OR1J2: variants seen among roughly 807,000 people sequenced by gnomAD.
OR1J2 encodes the protein olfactory receptor 1J2.
For missense variants in OR1J2, 304 were observed against 246.1 expected, an observed-to-expected ratio of 1.24 and a Z score of -1.57; for synonymous variants, 142 against 99.7, an observed-to-expected ratio of 1.42 and a Z score of -2.52.
chr9:122,469,564 T>C, the OR1J2 span, among the ~76,000 whole-genome samples: 1 of 152,172 alleles, frequency 6.6e-6, no homozygotes, highest in Admixed American at 6.5e-5. Context: ...GTACTGGAAG[T>C]GGGGCACTGC....
At chr9:122,520,143 C>A in the OR1J2 span, 1 of 1,243,874 alleles carries the variant, frequency 8.0e-7, no homozygotes, top group Non-Finnish European at 1.1e-6. Flanking sequence ...TAGATCCTTA[C>A]TTCTGATCCC....
the OR1J2 span, among the ~76,000 whole-genome samples, chr9:122,537,867 G>A: frequency 1.4e-4 from 21 of 152,188 alleles, no homozygotes; most frequent in African/African-American, 5.1e-4. Flanking sequence ...CCTGGAAAGG[G>A]TTGCCATTTT....
chr9:122,456,514 A>G, the OR1J2 span, among the ~76,000 whole-genome samples: 2 of 152,230 alleles, frequency 1.3e-5, no homozygotes, highest in South Asian at 2.1e-4. Flanking sequence ...CCAGGAAGCT[A>G]GGAGAATCAT....
At chr9:122,530,072 A>T in the OR1J2 span, among the ~76,000 whole-genome samples, 1 of 152,230 alleles carries the variant, frequency 6.6e-6, no homozygotes, top group African/African-American at 2.4e-5. Flanking sequence ...AACCAAGATT[A>T]AAAATATATT....
chr9:122,464,451 A>G, the OR1J2 span, among the ~76,000 whole-genome samples: 1 of 152,224 alleles, frequency 6.6e-6, no homozygotes, highest in Admixed American at 6.5e-5. Flanking sequence ...TGCAGCAGCA[A>G]TCCACCTCCC....
the OR1J2 span, among the ~76,000 whole-genome samples, chr9:122,468,740 C>T: frequency 2.6e-5 from 4 of 152,232 alleles, no homozygotes; most frequent in Non-Finnish European, 4.4e-5. Context: ...TCCTCCCTGA[C>T]TGTGTTTTTT....
the OR1J2 span, among the ~76,000 whole-genome samples, chr9:122,482,272 C>G: frequency 5.9e-5 from 9 of 152,022 alleles, no homozygotes; most frequent in African/African-American, 2.2e-4. Flanking sequence ...TGGAAAACCA[C>G]TTATATAACT....
At chr9:122,488,419 G>A in the OR1J2 span, among the ~76,000 whole-genome samples, 2 of 152,198 alleles carry the variant, frequency 1.3e-5, no homozygotes, top group South Asian at 2.1e-4. Flanking sequence ...GATTATAGGC[G>A]TGAGCCACCG....
the OR1J2 span, among the ~76,000 whole-genome samples, chr9:122,472,170 T>G: frequency 6.6e-6 from 1 of 152,144 alleles, no homozygotes; most frequent in Non-Finnish European, 1.5e-5. Context: ...TACAAATGTG[T>G]GTTAGTCTTG....
At chr9:122,543,840 A>G in the OR1J2 span, among the ~76,000 whole-genome samples, 1 of 152,228 alleles carries the variant, frequency 6.6e-6, no homozygotes, top group Non-Finnish European at 1.5e-5. Flanking sequence ...TGGAGTAGAG[A>G]TGAGGTATCC....
chr9:122,569,107 C>A, the OR1J2 span, among the ~76,000 whole-genome samples: 88,373 of 151,956 alleles, frequency 0.58, 26,213 homozygotes, highest in East Asian at 0.97. Context: ...TCTAAGACGA[C>A]TGTTGAACGC....
chr9:122,484,736 G>T, the OR1J2 span, among the ~76,000 whole-genome samples: 1 of 152,224 alleles, frequency 6.6e-6, no homozygotes, highest in Admixed American at 6.5e-5. Flanking sequence ...AGTAGGACAA[G>T]AAGACAGAGT....
At chr9:122,553,183 A>T in the OR1J2 span, 1 of 1,606,186 alleles carries the variant, frequency 6.2e-7, no homozygotes, top group Non-Finnish European at 8.5e-7. Context: ...GAAGGTTTTT[A>T]TCTGCGCAGA....
At chr9:122,533,081 G>A in the OR1J2 span, among the ~76,000 whole-genome samples, 249 of 152,240 alleles carry the variant, frequency 1.6e-3, 2 homozygotes, top group African/African-American at 5.8e-3. Context: ...AAGAGAGGCC[G>A]GGATGAAGGG....
chr9:122,460,717 CA>C, the OR1J2 span, among the ~76,000 whole-genome samples: 2 of 152,076 alleles, frequency 1.3e-5, no homozygotes, highest in Non-Finnish European at 2.9e-5. Flanking sequence ...TGGTCATTTT[CA>C]CAATATTGAT....
At chr9:122,474,884 G>A in the OR1J2 span, among the ~76,000 whole-genome samples, 1 of 152,170 alleles carries the variant, frequency 6.6e-6, no homozygotes, top group Non-Finnish European at 1.5e-5. Flanking sequence ...TTGAGCCTCT[G>A]GAGCCAGTGG....
At chr9:122,559,030 C>T in the OR1J2 span, among the ~76,000 whole-genome samples, 3 of 152,166 alleles carry the variant, frequency 2.0e-5, no homozygotes, top group South Asian at 2.1e-4. Flanking sequence ...GTCATCTCAA[C>T]ATCTGTCATT....
chr9:122,557,283 A>AT, the OR1J2 span, among the ~76,000 whole-genome samples: 1 of 151,954 alleles, frequency 6.6e-6, no homozygotes, highest in Admixed American at 6.6e-5. Flanking sequence ...GAGGGGGGAC[A>AT]TTTTTTTGCC....
the OR1J2 span, among the ~76,000 whole-genome samples, chr9:122,548,803 TTTG>T: frequency 0.3 from 41,991 of 139,970 alleles, 6,765 homozygotes; most frequent in East Asian, 0.54. Flanking sequence ...TCCTGTGTGT[TTTG>T]TTGTTGTTGT....
Sources: allele counts gnomAD v4.1 joint callset (sites outside exome capture counted in the v4.1 genomes callset), GRCh38; gene constraint gnomAD v4.1.1; transcripts MANE v1.5; gene names NCBI Gene and HGNC (gene_info 2026-07-23, HGNC 2026-07-21).